The following DNAJC7 variants were observed in gnomAD, a reference collection of about 807,000 sequenced individuals.
DNAJC7 encodes the protein dnaJ homolog subfamily C member 7.
Under a neutral mutation model 67.4 loss-of-function variants are expected in DNAJC7, and 18 were observed. The ratio of observed to expected loss-of-function variants is 0.27; its 90% CI spans 0.18 to 0.40. DNAJC7 has a LOEUF of 0.40. DNAJC7 is among the 10% of genes least tolerant of loss of function. DNAJC7 has a pLI of 1.00. For synonymous variants in DNAJC7, 220 were observed against 207.8 expected, an observed-to-expected ratio of 1.06 and a Z score of -0.50; for missense variants, 419 against 613.8, an observed-to-expected ratio of 0.68 and a Z score of 3.35.
chr17:41,982,350 C>T lies in DNAJC7; in HGVS notation c.1136G>A (p.Arg379Lys), dbSNP rs1220658983. 3 of 1,613,832 alleles carry T rather than the reference C, an allele frequency of 1.9e-6. No homozygotes were observed. In the African/African-American group the frequency reaches 4.0e-5, roughly 22 times the overall value. Residue 379 changes from arginine to lysine, a missense_variant, in exon 11 of 14, where the codon AGG (arginine) becomes AAG (lysine). Transcript: ENST00000457167. ...NAQLELKKSKRKDYYKILGVD... is the reference protein window; with the variant it reads ...NAQLELKKSKKKDYYKILGVD... ...TCCTAGAATCTTGTAGTAATCTTTC[C>T]TCTTACTCTTCTTCAGTTCCAGCTG...
At chr17:41,981,681 C>T (rs1426867288) in intron 12 of DNAJC7, 174 bp downstream of exon 12, 1 of 871,554 alleles carries the variant, frequency 1.1e-6, no homozygotes, top group African/African-American at 1.7e-5. Flanking sequence ...TCAGAGCTCA[C>T]TGCACACTGT....
chr17:41,989,836 A>G (rs1032339677), intron 6 of DNAJC7, among the ~76,000 whole-genome samples: 1 of 152,252 alleles, frequency 6.6e-6, no homozygotes, highest in African/African-American at 2.4e-5. Context: ...GTTTTTGTAA[A>G]TAAAACACTA....
chr17:41,976,868 TCAAA>T, intron 13 of DNAJC7, 98 bp from the exon 14 acceptor site: 3 of 1,459,118 alleles, frequency 2.1e-6, no homozygotes, highest in Non-Finnish European at 2.8e-6. Context: ...TGCTTCAAAC[TCAAA>T]CACAGAGAGA....
intron 9 of DNAJC7, among the ~76,000 whole-genome samples, chr17:41,986,714 C>G (rs1567957422): frequency 6.6e-6 from 1 of 152,128 alleles, no homozygotes; most frequent in Non-Finnish European, 1.5e-5. Context: ...GTCAGTCTCA[C>G]AGAAGTTATA....
chr17:42,004,688 T>C (rs1456587125), intron 1 of DNAJC7, among the ~76,000 whole-genome samples: 1 of 152,226 alleles, frequency 6.6e-6, no homozygotes, highest in Admixed American at 6.5e-5. Flanking sequence ...ATCCCATTCA[T>C]GGTCTCCTTT....
intron 1 of DNAJC7, among the ~76,000 whole-genome samples, chr17:42,006,796 C>CACAAAAAAA (rs2051972755): frequency 4.3e-5 from 1 of 23,322 alleles, no homozygotes; most frequent in African/African-American, 2.1e-4. Flanking sequence ...GACTCCGTCT[C>CACAAAAAAA]AAAAAAAAAA....
In DNAJC7 at chr17:41,976,654, G is replaced by A; in HGVS notation, c.*79C>T. 6.4e-7 allele frequency: 1 copy of A among 1,559,534 alleles called. No individual in the cohort carries two copies. Among genetic ancestry groups the A allele is most frequent in the African/African-American group, 1.4e-5 (1 of 72,626 alleles). On this transcript the variant is annotated 3_prime_UTR_variant, in exon 14 of 14. Coordinates refer to ENST00000457167, the MANE Select transcript of DNAJC7 (RefSeq NM_003315.4). ...CTAAGCACACGGAGACGTGATGAAG[G>A]GAGGAGGTGAACTGTTTCCACATTC... is the stretch of plus-strand genomic sequence containing the variant.
intron 2 of DNAJC7, among the ~76,000 whole-genome samples, chr17:41,999,321 G>A (rs1365006022): frequency 6.6e-6 from 1 of 151,918 alleles, no homozygotes; most frequent in Admixed American, 6.6e-5. Context: ...GTTGAGTTGG[G>A]GTAAGCAAAT....
intron 5 of DNAJC7, among the ~76,000 whole-genome samples, chr17:41,994,083 A>AGCC (rs2051588022): frequency 1.3e-5 from 2 of 150,888 alleles, no homozygotes; most frequent in Non-Finnish European, 2.9e-5. Context: ...CACGCCTGTA[A>AGCC]TCCCAGCACT....
At chr17:41,981,581 T>G in intron 12 of DNAJC7, 1 of 349,578 alleles carries the variant, frequency 2.9e-6, no homozygotes. Flanking sequence ...CTGCTTGCCT[T>G]GGCCTCCCAA....
At chr17:41,989,275 C>G in intron 7 of DNAJC7, 129 bp downstream of exon 7, 1 of 1,299,482 alleles carries the variant, frequency 7.7e-7, no homozygotes, top group Non-Finnish European at 1.1e-6. Context: ...CTAATAAAGA[C>G]CAAGCATCCT....
intron 9 of DNAJC7, chr17:41,986,083 C>T (rs1002743712): frequency 4.6e-4 from 14 of 30,578 alleles, no homozygotes; most frequent in African/African-American, 7.7e-4. Flanking sequence ...AAAAAAAGGC[C>T]GGGCGCGGTG....
chr17:41,976,625 T>C lies in DNAJC7; in HGVS notation c.*108A>G. 1 of 1,418,936 alleles carries C rather than the reference T, an allele frequency of 7.0e-7. No homozygotes were observed. 87.9% of individuals were successfully genotyped at this position (1,418,936 alleles called of 1,614,324 possible). A position where few individuals can be genotyped will look rare whatever the true frequency, so the allele number is the denominator to read the frequency against. ...GGGCATCCAACTGAGAAAACGAAACTGCTCTAAGCACACGGAGACGTGATG... is the reference window on the plus strand; with the variant it reads ...GGGCATCCAACTGAGAAAACGAAACCGCTCTAAGCACACGGAGACGTGATG... On this transcript the variant is annotated 3_prime_UTR_variant, in exon 14 of 14. Coordinates refer to ENST00000457167, the MANE Select transcript of DNAJC7 (RefSeq NM_003315.4).
chr17:41,997,750 G>T (rs554303436), intron 2 of DNAJC7, among the ~76,000 whole-genome samples: 7 of 152,226 alleles, frequency 4.6e-5, no homozygotes, highest in South Asian at 2.1e-4. Flanking sequence ...GTGCTATCTC[G>T]GCTCACTGTA....
chr17:41,981,723 C>T, intron 12 of DNAJC7, 132 bp downstream of exon 12: 1 of 1,285,756 alleles, frequency 7.8e-7, no homozygotes, highest in Non-Finnish European at 1.1e-6. Context: ...ATTTGTTTGA[C>T]TCCATGTCTA....
At chr17:41,983,716 T>C (rs2051306136) in intron 9 of DNAJC7, 80 bp from the exon 10 acceptor site, 2 of 1,279,340 alleles carry the variant, frequency 1.6e-6, no homozygotes, top group African/African-American at 1.5e-5. Flanking sequence ...GCAAGAGGCA[T>C]GGCTCAAGCA....
At position 41,996,987 on chromosome 17, in the gene DNAJC7, T is replaced by C. The variant is rs912985088; in HGVS notation, c.291+128A>G. On this transcript the variant is annotated intron_variant, in intron 3 of 13. Coordinates refer to ENST00000457167, the MANE Select transcript of DNAJC7 (RefSeq NM_003315.4). ...CTGCTAAACAACCCACAGTGCACAG[T>C]AAAGTCCCCCACAACAAAGAATAAT... The C allele has an allele frequency of 6.2e-6, 9 of 1,443,310 alleles. No homozygotes were observed. In the African/African-American group the frequency reaches 1.3e-4, roughly 20 times the overall value. 89.4% of individuals were successfully genotyped at this position (1,443,310 alleles called of 1,614,324 possible).
rs189319605 is a variant in DNAJC7 at position 41,997,202 on chromosome 17, T to C, written c.204A>G (p.Arg68=). 3 of 1,613,866 alleles carry C rather than the reference T, an allele frequency of 1.9e-6. No individual in the cohort carries two copies. In the East Asian group the frequency reaches 6.7e-5, roughly 36 times the overall value. ...CPKNASYYGN[R]AATLMMLGRF... is the part of the protein sequence containing the mutation. ...TTCCAAGCATCATCAAGGTGGCTGCTCGATTACCATAATAGCTAGCATTTT... is the reference window on the plus strand; with the variant it reads ...TTCCAAGCATCATCAAGGTGGCTGCCCGATTACCATAATAGCTAGCATTTT... Residue 68 remains arginine (R), a synonymous_variant, in exon 3 of 14, where the codon CGA becomes CGG. Coordinates refer to ENST00000457167, the MANE Select transcript of DNAJC7 (RefSeq NM_003315.4).
At chr17:42,007,416 A>G (rs1253032406) in intron 1 of DNAJC7, among the ~76,000 whole-genome samples, 1 of 152,092 alleles carries the variant, frequency 6.6e-6, no homozygotes, top group African/African-American at 2.4e-5. Flanking sequence ...GGCCTGTTTC[A>G]TGTTGCACTC....
Sources: allele counts gnomAD v4.1 joint callset (sites outside exome capture counted in the v4.1 genomes callset), GRCh38; gene constraint gnomAD v4.1.1; transcripts MANE v1.5; gene names NCBI Gene and HGNC (gene_info 2026-07-23, HGNC 2026-07-21).